Variants in ACSM3 observed in about 807,000 individuals in gnomAD.
ACSM3 encodes the protein acyl-coenzyme A synthetase ACSM3, mitochondrial.
Under a neutral mutation model 74.1 loss-of-function variants are expected in ACSM3, and 61 were observed. The ratio of observed to expected loss-of-function variants is 0.82; its 90% CI spans 0.67 to 1.02. The LOEUF (loss-of-function observed/expected upper bound fraction) is 1.02, where lower values mean the gene tolerates loss of function less well. Ranked by LOEUF, ACSM3 falls within the 50% of genes least tolerant of loss-of-function variation. ACSM3 has a pLI of 0.00. For missense variants in ACSM3, 660 were observed against 697.0 expected (o/e 0.95, Z 0.60); for synonymous variants, 213 against 241.5 (o/e 0.88, Z 1.09).
At chr16:20,694,958 C>T (rs1188263605) in intron 1 of ACSM3, among the ~76,000 whole-genome samples, 3 of 152,124 alleles carry the variant, frequency 2.0e-5, no homozygotes, top group African/African-American at 7.2e-5. Context: ...GATCTTGGAC[C>T]TCCAGCCTTC....
chr16:20,760,583 G>T (rs2080068849), upstream of ACSM3, among the ~76,000 whole-genome samples: 1 of 152,064 alleles, frequency 6.6e-6, no homozygotes, highest in South Asian at 2.1e-4. Flanking sequence ...GCCATGCTAG[G>T]GAGGTAAGCA....
At position 20,791,984 on chromosome 16, in the gene ACSM3, A is replaced by C. The variant is rs2080609584; in HGVS notation, c.1327-18A>C. The C allele has an allele frequency of 1.2e-6, 2 of 1,613,280 alleles. No individual in the cohort carries two copies. Among genetic ancestry groups the C allele is most frequent in the Non-Finnish European group, 8.5e-7 (1 of 1,179,750 alleles). On this transcript the variant is annotated intron_variant, in intron 10 of 13. Coordinates refer to ENST00000289416, the MANE Select transcript of ACSM3 (RefSeq NM_005622.4). ...GAGTTGGATTCACCATAACAACAAA[A>C]TGCTATTTGTTTTGCAGGATAATCC... is the stretch of plus-strand genomic sequence containing the variant.
upstream of ACSM3, among the ~76,000 whole-genome samples, chr16:20,762,282 ACT>A (rs1202102980): frequency 1.3e-5 from 2 of 152,052 alleles, no homozygotes; most frequent in African/African-American, 2.4e-5. Context: ...AAAAAAAAAC[ACT>A]GTTTTTTCCC....
At chr16:20,724,813 C>G (rs1055218569) in intron 1 of ACSM3, among the ~76,000 whole-genome samples, 2 of 152,164 alleles carry the variant, frequency 1.3e-5, no homozygotes, top group Non-Finnish European at 2.9e-5. Context: ...ACAAGGGAAT[C>G]CAACTTACAA....
upstream of ACSM3, among the ~76,000 whole-genome samples, chr16:20,760,293 C>T (rs1236008139): frequency 1.3e-5 from 2 of 152,122 alleles, no homozygotes; most frequent in Non-Finnish European, 2.9e-5. Context: ...GGAAAATCTC[C>T]TTCCTTTGTT....
chr16:20,682,903 T>C (rs1415438752), intron 1 of ACSM3, among the ~76,000 whole-genome samples: 1 of 152,100 alleles, frequency 6.6e-6, no homozygotes, highest in African/African-American at 2.4e-5. Context: ...ATGTCCCCTC[T>C]TTCCTTCATT....
intron 1 of ACSM3, among the ~76,000 whole-genome samples, chr16:20,685,840 A>AAC (rs2079543247): frequency 2.4e-5 from 3 of 123,596 alleles, no homozygotes; most frequent in Non-Finnish European, 5.7e-5. Context: ...AACAAACAAA[A>AAC]AAAAAACAAA....
At chr16:20,704,711 G>C (rs1036926778) in intron 1 of ACSM3, among the ~76,000 whole-genome samples, 1 of 152,220 alleles carries the variant, frequency 6.6e-6, no homozygotes, top group Non-Finnish European at 1.5e-5. Context: ...CAATGTAGGA[G>C]AGTATAAAAG....
chr16:20,734,702 G>A (rs1302117269), intron 1 of ACSM3: 1 of 152,102 alleles, frequency 6.6e-6, no homozygotes, highest in Non-Finnish European at 1.5e-5. Context: ...CTTTTCAATT[G>A]TTTTACCCAA....
chr16:20,704,783 A>T (rs552966908), intron 1 of ACSM3, among the ~76,000 whole-genome samples: 2 of 152,220 alleles, frequency 1.3e-5, no homozygotes, highest in Non-Finnish European at 2.9e-5. Flanking sequence ...GTATAAAAGT[A>T]TAGAGTATGA....
chr16:20,796,321 C>T, intron 12 of ACSM3, 49 bp from the exon 13 acceptor site: 1 of 1,592,498 alleles, frequency 6.3e-7, no homozygotes, highest in Non-Finnish European at 8.5e-7. Flanking sequence ...CATACTAAAA[C>T]ATACAAATGC....
intron 1 of ACSM3, chr16:20,720,961 G>A (rs2079783148): frequency 6.6e-6 from 1 of 152,174 alleles, no homozygotes; most frequent in Admixed American, 6.5e-5. Context: ...AAATGCTTAA[G>A]TTTAATACAA....
At chr16:20,794,521 G>C (rs1246883466) in intron 12 of ACSM3, among the ~76,000 whole-genome samples, 1 of 152,102 alleles carries the variant, frequency 6.6e-6, no homozygotes, top group African/African-American at 2.4e-5. Flanking sequence ...ATAGACACAC[G>C]TGGCTAGCAG....
Position 20,777,569 on chromosome 16 carries a change from G to A in ACSM3, c.627G>A (p.Lys209=). The A allele has an allele frequency of 1.2e-6, 2 of 1,613,704 alleles. No homozygotes were observed. The highest frequency in any genetic ancestry group is 2.2e-5 in the South Asian group (2 of 91,062). The change falls in exon 4 of 14, where the codon AAG becomes AAA. Residue 209 remains lysine (K), a synonymous_variant. Transcript: ENST00000289416. The part of the protein sequence containing the change: ...ENSREGWGNL[K]ELMKHASDSH... The stretch of plus-strand genomic sequence containing the variant: ...CCAGAGAGGGGTGGGGGAACCTCAA[G>A]GAGTTGATGAAGTGAGTAGCCACAC...
At chr16:20,753,147 A>G (rs926836025) in intron 2 of ACSM3, among the ~76,000 whole-genome samples, 3 of 152,086 alleles carry the variant, frequency 2.0e-5, no homozygotes, top group African/African-American at 4.8e-5. Context: ...GAAAAAAAAA[A>G]ACAAATGTAA....
At chr16:20,707,027 C>G (rs1201387031) in intron 1 of ACSM3, among the ~76,000 whole-genome samples, 3 of 152,126 alleles carry the variant, frequency 2.0e-5, no homozygotes, top group Non-Finnish European at 2.9e-5. Context: ...ACTGGGACAG[C>G]CTTGCCAACT....
chr16:20,782,999 T>A (rs1028948585), intron 7 of ACSM3, among the ~76,000 whole-genome samples: 1 of 152,178 alleles, frequency 6.6e-6, no homozygotes, highest in Non-Finnish European at 1.5e-5. Context: ...GAGGCTCCAT[T>A]ATGTAGGCAT....
chr16:20,729,395 CAG>C lies in ACSM3; in HGVS notation c.-189-20514_-189-20513del, dbSNP rs2079818513. The C allele has an allele frequency of 1.4e-5, 16 of 1,174,468 alleles. 1 individual carries two copies. In the South Asian group the frequency reaches 2.0e-4, roughly 14 times the overall value. 72.8% of individuals were successfully genotyped at this position (1,174,468 alleles called of 1,614,324 possible). ...GCCACTCTTAAGAGGCAAGGATTGA[CAG>C]GGGGGGAGCTCTCCTACTGGAGGAT... On this transcript the variant is annotated intron_variant, in intron 1 of 3. Transcript: ENST00000561584.
At chr16:20,780,653 C>T in intron 4 of ACSM3, 61 bp from the exon 5 acceptor site, 2 of 1,613,708 alleles carry the variant, frequency 1.2e-6, no homozygotes, top group Non-Finnish European at 1.7e-6. Flanking sequence ...CAAAATTTTT[C>T]AGTGGTAACA....
Sources: gnomAD v4.1 joint callset for allele counts (sites outside exome capture counted in the v4.1 genomes callset) on GRCh38, gnomAD v4.1.1 for gene constraint, MANE v1.5 for transcripts, NCBI Gene and HGNC (gene_info 2026-07-23, HGNC 2026-07-21) for gene names.